The following MYDGF variants were observed in gnomAD, a reference collection of about 807,000 sequenced individuals.
MYDGF encodes the protein myeloid derived growth factor.
A neutral mutation model predicts 24.2 loss-of-function variants in MYDGF; 29 were observed. That is an observed-to-expected ratio of 1.20 (90% confidence interval 0.89 to 1.63). MYDGF has a LOEUF of 1.63. Ranked by LOEUF, MYDGF falls within the 40% of genes most tolerant of loss-of-function variation. The probability of loss-of-function intolerance (pLI) is 0.00; values close to 1 mark genes in which losing one functional copy is unlikely to be tolerated. For synonymous variants in MYDGF, 105 were observed against 102.5 expected, an observed-to-expected ratio of 1.02 and a Z score of -0.15; for missense variants, 245 against 234.8, an observed-to-expected ratio of 1.04 and a Z score of -0.29.
intron 3 of MYDGF, among the ~76,000 whole-genome samples, chr19:4,664,419 G>A (rs1235806060): frequency 6.6e-6 from 1 of 151,660 alleles, no homozygotes; most frequent in Non-Finnish European, 1.5e-5. Context: ...GAACCCAGGA[G>A]GCGGAGGCTG....
At chr19:4,670,086 C>T in intron 1 of MYDGF, 75 bp downstream of exon 1, 2 of 1,372,760 alleles carry the variant, frequency 1.5e-6, no homozygotes, top group African/African-American at 3.0e-5. Context: ...CCTCCTCGGG[C>T]CCCGCCCCCA....
intron 2 of MYDGF, among the ~76,000 whole-genome samples, chr19:4,667,370 C>T (rs918582564): frequency 6.6e-6 from 1 of 151,910 alleles, no homozygotes; most frequent in Non-Finnish European, 1.5e-5. Flanking sequence ...CCTTGTGATC[C>T]ACCCGCCTCG....
intron 4 of MYDGF, 91 bp downstream of exon 4, chr19:4,660,578 C>T: frequency 1.6e-6 from 2 of 1,222,928 alleles, no homozygotes; most frequent in Non-Finnish European, 2.4e-6. Context: ...TCCTCCCTGT[C>T]CCCATGGAGC....
intron 1 of MYDGF, among the ~76,000 whole-genome samples, chr19:4,669,110 A>C (rs951231359): frequency 6.6e-6 from 1 of 152,128 alleles, no homozygotes; most frequent in Admixed American, 6.6e-5. Flanking sequence ...TTTTATGTGA[A>C]GCATTTTCTC....
intron 2 of MYDGF, among the ~76,000 whole-genome samples, chr19:4,665,158 C>T (rs936005448): frequency 1.3e-5 from 2 of 152,206 alleles, no homozygotes; most frequent in Non-Finnish European, 2.9e-5. Flanking sequence ...AAAGTGGTGC[C>T]TCTAATGAGA....
rs757490891 is a variant in MYDGF, at chr19:4,659,968, A to G, written c.405T>C (p.Pro135=). ...TCACTTCAAATTCCTCAGTTTTCAG[A>G]GGGACATCACTTTCCCTTTCAAATG... ...KAAFERESDV[P]LKTEEFEVTK... Residue 135 remains proline (P), a synonymous_variant, in exon 5 of 6, where the codon CCT becomes CCC. Transcript: ENST00000262947. 13 of 1,613,912 alleles carry G rather than the reference A, an allele frequency of 8.1e-6. No individual in the cohort carries two copies. The highest frequency in any genetic ancestry group is 1.0e-5 in the Non-Finnish European group (12 of 1,180,020).
At chr19:4,663,368 A>G (rs1416279681) in intron 3 of MYDGF, among the ~76,000 whole-genome samples, 11 of 105,254 alleles carry the variant, frequency 1.0e-4, no homozygotes, top group African/African-American at 4.1e-4. Context: ...CATCCAATCT[A>G]CTCTCCCCAC....
intron 2 of MYDGF, among the ~76,000 whole-genome samples, chr19:4,666,906 T>C (rs1223395455): frequency 6.6e-6 from 1 of 152,108 alleles, no homozygotes; most frequent in Non-Finnish European, 1.5e-5. Context: ...CTCAAGGTGT[T>C]GACCGGGCTA....
At chr19:4,665,035 G>A (rs2088510015) in intron 2 of MYDGF, 98 bp from the exon 3 acceptor site, 1 of 1,322,784 alleles carries the variant, frequency 7.6e-7, no homozygotes, top group Non-Finnish European at 1.0e-6. Context: ...CACCTCTTCT[G>A]TACCTCCCGA....
At chr19:4,665,394 A>G (rs368706109) in intron 2 of MYDGF, among the ~76,000 whole-genome samples, 22 of 152,092 alleles carry the variant, frequency 1.4e-4, no homozygotes, top group African/African-American at 5.3e-4. Flanking sequence ...TTGTAGAATC[A>G]CTGTCTTGCC....
At chr19:4,668,734 T>G in intron 1 of MYDGF, 89 bp from the exon 2 acceptor site, 1 of 1,128,544 alleles carries the variant, frequency 8.9e-7, no homozygotes, top group Non-Finnish European at 1.3e-6. Flanking sequence ...CAAGCTGGAG[T>G]GCAGGGGCAC....
rs188204698 is a variant in MYDGF, at chr19:4,658,802, A to T, written c.443-718T>A. ...TTTTATTTCATTTATTTATTTTTTA[A>T]AATTTATTATTTTTTTTGAGATGAG... On this transcript the variant is annotated intron_variant, in intron 5 of 5. Transcript: ENST00000262947. 5.8e-3 allele frequency among the ~76,000 whole-genome samples: 886 copies of T among 152,028 alleles called. 7 individuals are homozygous for T. Among genetic ancestry groups the T allele is most frequent in the African/African-American group, 0.02 (826 of 41,464 alleles).
Position 4,657,868 on chromosome 19 carries a change from G to T in MYDGF, c.*137C>A. 1.3e-6 allele frequency: 1 copy of T among 798,196 alleles called. No homozygotes were observed. The highest frequency in any genetic ancestry group is 1.9e-6 in the Non-Finnish European group (1 of 518,758). The allele number at this position is 798,196 out of a possible 1,614,324, so 49.4% of individuals were successfully genotyped here. On this transcript the variant is annotated 3_prime_UTR_variant, in exon 6 of 6. Coordinates refer to ENST00000262947, the MANE Select transcript of MYDGF (RefSeq NM_019107.4). ...TTCAGCCACCCTGCAAGCCCCTCCG[G>T]ACAAGGCAACGTCAGCCCAGGTAGA...
chr19:4,664,850 A>AAT, intron 3 of MYDGF, 26 bp downstream of exon 3: 1 of 1,610,478 alleles, frequency 6.2e-7, no homozygotes, highest in East Asian at 2.2e-5. Context: ...GGCAGCCGGA[A>AAT]ATGCCATCCC....
intron 2 of MYDGF, among the ~76,000 whole-genome samples, chr19:4,666,566 G>A (rs530975214): frequency 4.0e-5 from 6 of 151,032 alleles, no homozygotes; most frequent in Admixed American, 2.6e-4. Context: ...GTGAGCCACC[G>A]CGCCCAGCCC....
chr19:4,661,114 C>T (rs1371444924), intron 3 of MYDGF, among the ~76,000 whole-genome samples: 1 of 151,908 alleles, frequency 6.6e-6, no homozygotes, highest in Non-Finnish European at 1.5e-5. Flanking sequence ...GTACAGGCAC[C>T]CGCGACCACA....
chr19:4,665,274 G>A (rs541118803), intron 2 of MYDGF, among the ~76,000 whole-genome samples: 14 of 152,292 alleles, frequency 9.2e-5, no homozygotes, highest in South Asian at 2.1e-4. Flanking sequence ...CTGGGCTGGC[G>A]TGCAGTGGCA....
chr19:4,669,858 C>T (rs2088551011), intron 1 of MYDGF, among the ~76,000 whole-genome samples: 1 of 152,164 alleles, frequency 6.6e-6, no homozygotes, highest in African/African-American at 2.4e-5. Flanking sequence ...CCCACCTCTG[C>T]GTCTGGAGGG....
At chr19:4,660,493 C>G (rs775259093) in intron 4 of MYDGF, 176 bp downstream of exon 4, 10 of 590,558 alleles carry the variant, frequency 1.7e-5, no homozygotes, top group Non-Finnish European at 2.7e-5. Context: ...CCCCCGTGCC[C>G]CTGGCCTGGG....
Sources: allele counts gnomAD v4.1 joint callset (sites outside exome capture counted in the v4.1 genomes callset), GRCh38; gene constraint gnomAD v4.1.1; transcripts MANE v1.5; gene names NCBI Gene and HGNC (gene_info 2026-07-23, HGNC 2026-07-21).